The following CUX1 variants were observed in gnomAD, a reference collection of about 807,000 sequenced individuals.
CUX1 encodes the protein protein CASP.
A neutral mutation model predicts 158.8 loss-of-function variants in CUX1; 31 were observed. That is an observed-to-expected ratio of 0.20 (90% CI 0.15 to 0.26). The LOEUF is 0.26. Among genes scored for constraint, CUX1 ranks in the 10% least tolerant of loss-of-function variants. CUX1 has a pLI of 1.00. For synonymous variants in CUX1, 879 were observed against 862.1 expected, an observed-to-expected ratio of 1.02 and a Z score of -0.34; for missense variants, 1,589 against 2,014.6, an observed-to-expected ratio of 0.79 and a Z score of 4.04.
rs1328282482 is a variant in CUX1, at chr7:102,216,604, ACACACACACACTCCC to A, written c.3131-10751_3131-10737del. On this transcript the variant is annotated intron_variant, in intron 20 of 23. Coordinates refer to ENST00000292535, the MANE Select transcript of CUX1 (RefSeq NM_181552.4). ...CTCTCCCACACACACACTCCCACACACACACACACACTCCCCACACACACACCCCCACACACGCAC... is the reference window on the plus strand; with the variant it reads ...CTCTCCCACACACACACTCCCACACACACACACACACCCCCACACACGCAC... Among the ~76,000 whole-genome samples the A allele has an allele frequency of 9.2e-4, 60 of 64,896 alleles. 3 individuals are homozygous for A. The highest frequency in any genetic ancestry group is 1.6e-3 in the Non-Finnish European group (56 of 35,324). 42.6% of individuals were successfully genotyped at this position (64,896 alleles called of 152,430 possible).
Position 102,256,677 on chromosome 7 carries a change from C to A in CUX1, c.*7635C>A. ...TGAAGAATGCTCGCTTGAGGAGCTT[C>A]AGAGGAATCTTAGCAAAGCCAAGTT... On this transcript the variant is annotated 3_prime_UTR_variant, in exon 24 of 24. Coordinates refer to ENST00000292535, the MANE Select transcript of CUX1 (RefSeq NM_181552.4). The A allele has an allele frequency of 4.1e-6, 4 of 985,386 alleles. No homozygotes were observed. In the African/African-American group the frequency reaches 7.0e-5, roughly 17 times the overall value. The allele number at this position is 985,386 out of a possible 1,614,324, so 61.0% of individuals were successfully genotyped here.
At chr7:102,210,542 T>G (rs1228912532) in intron 20 of CUX1, among the ~76,000 whole-genome samples, 1 of 152,226 alleles carries the variant, frequency 6.6e-6, no homozygotes, top group Non-Finnish European at 1.5e-5. Context: ...GTGGGAGCGT[T>G]TCATTGCTGT....
intron 2 of CUX1, among the ~76,000 whole-genome samples, chr7:102,015,004 C>T (rs1818427299): frequency 1.3e-5 from 2 of 152,126 alleles, no homozygotes; most frequent in South Asian, 2.1e-4. Flanking sequence ...AGTAGATTTA[C>T]CCATCGTTCA....
rs781841903 is a variant in CUX1, at chr7:102,158,551, C to A, written c.675-9C>A. 1 of 1,613,990 alleles carries A rather than the reference C, an allele frequency of 6.2e-7. No individual in the cohort carries two copies. The highest frequency in any genetic ancestry group is 2.2e-5 in the East Asian group (1 of 44,870). On this transcript the variant is annotated splice_polypyrimidine_tract_variant and intron_variant, in intron 8 of 23. Coordinates refer to ENST00000292535, the MANE Select transcript of CUX1 (RefSeq NM_181552.4). ...TGACTAACCTGCTCTCTCCCTCTCA[C>A]CCTCCTAGGGCCGACGAGATTGAAA...
intron 2 of CUX1, among the ~76,000 whole-genome samples, chr7:101,935,301 A>G (rs1017117173): frequency 1.3e-5 from 2 of 152,078 alleles, no homozygotes; most frequent in Non-Finnish European, 2.9e-5. Flanking sequence ...CCCAAATCCT[A>G]TAAAACGGCC....
Position 102,248,428 on chromosome 7 carries a change from G to A in CUX1, c.3904G>A (p.Glu1302Lys). Reference sequence around the variant, plus strand: ...GTCTTGTAGGTCTCGGATCCGCAGAGAACTGTTCATTGAGGAAATTCAGGC... The same window carrying A: ...GTCTTGTAGGTCTCGGATCCGCAGAAAACTGTTCATTGAGGAAATTCAGGC... ...FHNYRSRIRR[E>K]LFIEEIQAGS... Residue 1302 changes from glutamate to lysine, a missense_variant, in exon 24 of 24, where the codon GAA (glutamate) becomes AAA (lysine). Glu to Lys is a moderately conservative substitution (Grantham distance 56, BLOSUM62 1). Coordinates refer to ENST00000292535, the MANE Select transcript of CUX1 (RefSeq NM_181552.4). This position sits in a 1 kb window ranked among gnomAD's most constrained non-coding sequence, Gnocchi z 5.8. The A allele has an allele frequency of 6.3e-7, 1 of 1,597,540 alleles. No individual in the cohort carries two copies. The highest frequency in any genetic ancestry group is 8.5e-7 in the Non-Finnish European group (1 of 1,175,970).
chr7:102,250,249 A>G lies in CUX1; in HGVS notation c.*1207A>G, dbSNP rs1801351368. On this transcript the variant is annotated 3_prime_UTR_variant, in exon 24 of 24. Coordinates refer to ENST00000292535, the MANE Select transcript of CUX1 (RefSeq NM_181552.4). ...TCTGTCTGTGCGTCTGCACGTGTGC[A>G]AGCATTGAAAGAAAGGAGAGAGTAG... 1 of 985,290 alleles carries G rather than the reference A, an allele frequency of 1.0e-6. No homozygotes were observed. Among genetic ancestry groups the G allele is most frequent in the Non-Finnish European group, 1.2e-6 (1 of 829,960 alleles). The allele number at this position is 985,290 out of a possible 1,614,324, so 61.0% of individuals were successfully genotyped here. A position where few individuals can be genotyped will look rare whatever the true frequency, so the allele number is the denominator to read the frequency against.
At chr7:101,962,240 CT>C (rs1323598724) in intron 2 of CUX1, among the ~76,000 whole-genome samples, 1 of 152,210 alleles carries the variant, frequency 6.6e-6, no homozygotes, top group Non-Finnish European at 1.5e-5. Context: ...TAATATTTCC[CT>C]GCAATTCATC....
At chr7:102,227,164 G>A (rs1798420621) in intron 20 of CUX1, among the ~76,000 whole-genome samples, 1 of 151,994 alleles carries the variant, frequency 6.6e-6, no homozygotes, top group Non-Finnish European at 1.5e-5. Flanking sequence ...TCGCAATGAT[G>A]TTATTTTTGT....
At chr7:102,115,345 C>A in intron 8 of CUX1, 72 bp downstream of exon 8, 3 of 1,350,136 alleles carry the variant, frequency 2.2e-6, no homozygotes, top group Non-Finnish European at 3.1e-6. Context: ...AGGGCAGGAT[C>A]GAGAAGGTTC....
At chr7:102,072,005 G>A (rs1826187443) in intron 4 of CUX1, among the ~76,000 whole-genome samples, 1 of 152,210 alleles carries the variant, frequency 6.6e-6, no homozygotes, top group Non-Finnish European at 1.5e-5. Context: ...GTTCCCTGAA[G>A]AACCTGACTG....
exon 20 of CUX1, chr7:102,280,805 A>G: frequency 6.2e-7 from 1 of 1,612,964 alleles, no homozygotes; most frequent in South Asian, 1.1e-5. Context: ...CCTGTGCAGG[A>G]GCGGCAGAGG....
At chr7:102,136,331 A>AG (rs1833900652) in intron 8 of CUX1, among the ~76,000 whole-genome samples, 1 of 151,934 alleles carries the variant, frequency 6.6e-6, no homozygotes, top group Non-Finnish European at 1.5e-5. Context: ...AGAAAAAAAA[A>AG]CAACAACCTT....
At chr7:102,063,383 CTTTTTTTTTTTT>C (rs11368644) in intron 3 of CUX1, among the ~76,000 whole-genome samples, 3 of 89,272 alleles carry the variant, frequency 3.4e-5, no homozygotes, top group South Asian at 9.1e-4. Flanking sequence ...ATTTCCTTTT[CTTTTTTTTTTTT>C]TTTTTTTTTT....
intron 20 of CUX1, among the ~76,000 whole-genome samples, chr7:102,223,762 A>T (rs950047503): frequency 3.9e-5 from 6 of 152,208 alleles, no homozygotes. Flanking sequence ...TAAGGTCAGG[A>T]GTTGGAGACC....
In CUX1 at chr7:102,205,119, C is replaced by T. The variant is rs781924897; in HGVS notation, c.3079C>T (p.His1027Tyr). The change falls in exon 20 of 24, where the codon CAC (histidine) becomes TAC (tyrosine). Residue 1027 changes from histidine (H) to tyrosine (Y), a missense_variant. Coordinates refer to ENST00000292535, the MANE Select transcript of CUX1 (RefSeq NM_181552.4). ...VQGQQQGPVLHSVTSLQDPLQ... is the reference protein window; with the variant it reads ...VQGQQQGPVLYSVTSLQDPLQ... ...ATAACCTTTTTCTACTTTAGTCCTC[C>T]ACTCCGTGACATCGCTCCAGGACCC... is the stretch of plus-strand genomic sequence containing the variant. 1.2e-5 allele frequency: 20 copies of T among 1,607,666 alleles called. 1 individual carries two copies. The South Asian group carries it at 2.1e-4, about 17-fold the overall frequency.
intron 2 of CUX1, among the ~76,000 whole-genome samples, chr7:101,994,355 G>T (rs1297890323): frequency 6.6e-6 from 1 of 152,212 alleles, no homozygotes; most frequent in Non-Finnish European, 1.5e-5. Flanking sequence ...CTAATCCCCA[G>T]CAGTTTGGGA....
intron 1 of CUX1, among the ~76,000 whole-genome samples, chr7:101,876,344 A>C (rs916955393): frequency 1.3e-5 from 2 of 150,192 alleles, no homozygotes; most frequent in Non-Finnish European, 3.0e-5. Context: ...AAAAAAAACA[A>C]AAAAAAAACC....
intron 3 of CUX1, among the ~76,000 whole-genome samples, chr7:102,036,162 G>C (rs766390140): frequency 9.9e-5 from 15 of 151,708 alleles, no homozygotes; most frequent in Non-Finnish European, 1.5e-4. Context: ...AGACGGTTTC[G>C]CCAGGCTGGT....
Sources: gnomAD v4.1 joint callset for allele counts (sites outside exome capture counted in the v4.1 genomes callset) on GRCh38, gnomAD v4.1.1 for gene constraint, Gnocchi (gnomAD v3.1) non-coding constraint, MANE v1.5 for transcripts, NCBI Gene and HGNC (gene_info 2026-07-23, HGNC 2026-07-21) for gene names.